Variants in SLC9B2 observed in about 807,000 individuals in gnomAD.
The protein encoded by SLC9B2 is solute carrier family 9 member B2.
A neutral mutation model predicts 52.2 loss-of-function variants in SLC9B2; 39 were observed. The observed-to-expected ratio is 0.75, with a 90% confidence interval of 0.58 to 0.98. The LOEUF is 0.98. SLC9B2 is among the 50% of genes least tolerant of loss of function. The pLI is 0.00. For synonymous variants in SLC9B2, 214 were observed against 227.0 expected, an observed-to-expected ratio of 0.94 and a Z score of 0.51; for missense variants, 626 against 637.5, an observed-to-expected ratio of 0.98 and a Z score of 0.19.
intron 7 of SLC9B2, among the ~76,000 whole-genome samples, chr4:103,045,216 T>C (rs898970720): frequency 1.3e-5 from 2 of 152,202 alleles, no homozygotes; most frequent in Non-Finnish European, 2.9e-5. Flanking sequence ...GTTAGCACAT[T>C]GTGCAGAAAA....
At chr4:103,046,506 A>G (rs1176411458) in intron 7 of SLC9B2, among the ~76,000 whole-genome samples, 1 of 152,222 alleles carries the variant, frequency 6.6e-6, no homozygotes, top group East Asian at 1.9e-4. Context: ...CTAAGTATTA[A>G]TGGGACATCC....
intron 6 of SLC9B2, 34 bp downstream of exon 6, chr4:103,048,859 A>T: frequency 6.2e-7 from 1 of 1,609,564 alleles, no homozygotes; most frequent in African/African-American, 1.3e-5. Flanking sequence ...AAATGTCCCT[A>T]CATATTTTCA....
At chr4:103,053,758 A>C (rs1744888861) in intron 4 of SLC9B2, among the ~76,000 whole-genome samples, 1 of 151,092 alleles carries the variant, frequency 6.6e-6, no homozygotes, top group Non-Finnish European at 1.5e-5. Flanking sequence ...GCTGGAGTGC[A>C]GTGGTGCGGT....
chr4:103,030,741 G>A (rs1210554264), intron 10 of SLC9B2, among the ~76,000 whole-genome samples: 2 of 151,882 alleles, frequency 1.3e-5, no homozygotes, highest in Non-Finnish European at 2.9e-5. Flanking sequence ...CCATTTTTAT[G>A]TGTATAGTTA....
At chr4:103,068,551 T>C (rs1746347404) in intron 1 of SLC9B2, among the ~76,000 whole-genome samples, 1 of 152,224 alleles carries the variant, frequency 6.6e-6, no homozygotes, top group Admixed American at 6.5e-5. Context: ...TTTAGGATAG[T>C]AGATAAGTAA....
intron 3 of SLC9B2, chr4:103,065,634 T>C (rs893308022): frequency 1.3e-5 from 2 of 152,166 alleles, no homozygotes; most frequent in African/African-American, 4.8e-5. Context: ...TCCCCCAGCA[T>C]ACACAGCACA....
intron 4 of SLC9B2, among the ~76,000 whole-genome samples, chr4:103,054,357 A>G (rs990548257): frequency 6.6e-6 from 1 of 152,242 alleles, no homozygotes; most frequent in Non-Finnish European, 1.5e-5. Context: ...GCTACATAAA[A>G]TGCGATCTTA....
rs1742145994 is a variant in SLC9B2, at chr4:103,025,860, G to A, written c.*510C>T. The A allele has an allele frequency of 6.6e-6, 1 of 152,298 alleles. No homozygotes were observed. Among genetic ancestry groups the A allele is most frequent in the Admixed American group, 6.5e-5 (1 of 15,286 alleles). 9.4% of individuals were successfully genotyped at this position (152,298 alleles called of 1,614,324 possible). On this transcript the variant is annotated 3_prime_UTR_variant, in exon 12 of 12. Coordinates refer to ENST00000394785, the MANE Select transcript of SLC9B2 (RefSeq NM_178833.7). ...ATCAGTTACAGTAATTCAAAGAAAG[G>A]TAGTAAGGGAAGGAGAAATGGAGAA...
At chr4:103,019,491 G>A (rs548362807), downstream of SLC9B2, 7 of 719,778 alleles carry the variant, frequency 9.7e-6, no homozygotes, top group African/African-American at 1.1e-4. Flanking sequence ...ATTGAACTGA[G>A]GGGGAGGAAA....
intron 2 of SLC9B2, 148 bp downstream of exon 2, chr4:103,067,311 TAG>T: frequency 1.6e-6 from 1 of 631,874 alleles, no homozygotes; most frequent in Non-Finnish European, 2.8e-6. Context: ...TCCATTTTTC[TAG>T]TTACAGGTAG....
At chr4:103,026,622 A>T (rs775467054) in intron 11 of SLC9B2, 31 bp from the exon 12 acceptor site, 1 of 1,582,972 alleles carries the variant, frequency 6.3e-7, no homozygotes, top group South Asian at 1.1e-5. Flanking sequence ...AAATGGAATC[A>T]TGATAAGATA....
intron 11 of SLC9B2, among the ~76,000 whole-genome samples, chr4:103,026,858 G>T (rs761986847): frequency 5.3e-5 from 8 of 152,028 alleles, no homozygotes; most frequent in Non-Finnish European, 1.2e-4. Flanking sequence ...TAAAAAAAAA[G>T]AAAGTTGTTT....
chr4:103,049,142 G>A (rs1744436690), intron 5 of SLC9B2, 122 bp from the exon 6 acceptor site: 1 of 1,176,596 alleles, frequency 8.5e-7, no homozygotes, highest in Non-Finnish European at 1.2e-6. Flanking sequence ...TCAAGGTAAT[G>A]AGTTGTATTT....
At position 103,026,515 on chromosome 4, in the gene SLC9B2, A is replaced by T; in HGVS notation, c.1469T>A (p.Val490Glu). 6.2e-7 allele frequency: 1 copy of T among 1,613,982 alleles called. No individual in the cohort carries two copies. Among genetic ancestry groups the T allele is most frequent in the Non-Finnish European group, 8.5e-7 (1 of 1,179,900 alleles). Residue 490 changes from valine to glutamate, a missense_variant, in exon 12 of 12, where the codon GTG becomes GAG. Coordinates refer to ENST00000394785, the MANE Select transcript of SLC9B2 (RefSeq NM_178833.7). ...EKQLEDYGMD[V>E]LTVAFLSILI... ...GATGGACAAAAATGCCACTGTCAAC[A>T]CATCCATTCCATAGTCTTCTAATTG...
intron 11 of SLC9B2, 23 bp downstream of exon 11, chr4:103,028,724 C>T: frequency 6.3e-7 from 1 of 1,584,820 alleles, no homozygotes; most frequent in Non-Finnish European, 8.5e-7. Flanking sequence ...AGTTAAAATG[C>T]TAAGCCATCC....
At position 103,050,254 on chromosome 4, in the gene SLC9B2, C is replaced by G. The variant is rs1744547147; in HGVS notation, c.571G>C (p.Gly191Arg). 1 of 1,585,330 alleles carries G rather than the reference C, an allele frequency of 6.3e-7. No individual in the cohort carries two copies. Among genetic ancestry groups the G allele is most frequent in the African/African-American group, 1.4e-5 (1 of 73,056 alleles). ...LSIILVRAGL[G>R]LDSKALKKLK... is the part of the protein sequence containing the mutation. ...ACATTTCATACCTTTGAATCCAGAC[C>G]AAGGCCAGCACGAACCAGAATGATA... Residue 191 changes from glycine (G) to arginine (R), a missense_variant, in exon 5 of 12, where the codon GGT becomes CGT. By Grantham distance (125) the Gly-to-Arg change is moderately radical. Transcript: ENST00000394785.
intron 9 of SLC9B2, among the ~76,000 whole-genome samples, chr4:103,038,275 T>A (rs1743344331): frequency 6.6e-6 from 1 of 152,218 alleles, no homozygotes; most frequent in African/African-American, 2.4e-5. Context: ...AGTCCTCAAA[T>A]GTGTTTCATA....
At chr4:103,018,340 T>C (rs578164772), downstream of SLC9B2, among the ~76,000 whole-genome samples, 4 of 152,252 alleles carry the variant, frequency 2.6e-5, no homozygotes, top group Admixed American at 6.5e-5. Flanking sequence ...CTGTGCAATA[T>C]ATCCACACAA....
intron 4 of SLC9B2, among the ~76,000 whole-genome samples, chr4:103,054,017 C>T (rs1476629047): frequency 6.6e-6 from 1 of 152,084 alleles, no homozygotes; most frequent in Non-Finnish European, 1.5e-5. Flanking sequence ...GTGGCTCACA[C>T]CTGTAATCCC....
Sources: allele counts gnomAD v4.1 joint callset (sites outside exome capture counted in the v4.1 genomes callset), GRCh38; gene constraint gnomAD v4.1.1; transcripts MANE v1.5; gene names NCBI Gene and HGNC (gene_info 2026-07-23, HGNC 2026-07-21).